The following SYT14 variants were observed in gnomAD, a reference collection of about 807,000 sequenced individuals.
The protein encoded by SYT14 is synaptotagmin 14, also known as synaptotagmin-14.
Under a neutral mutation model 74.2 loss-of-function variants are expected in SYT14, and 32 were observed. That is an observed-to-expected ratio of 0.43 (90% CI 0.33 to 0.58). SYT14 has a LOEUF of 0.58. Ranked by LOEUF, SYT14 falls within the 20% of genes least tolerant of loss-of-function variation. The pLI, the probability that SYT14 is intolerant of heterozygous loss-of-function variation, is 0.05. For missense variants in SYT14, 791 were observed against 981.8 expected, an observed-to-expected ratio of 0.81 and a Z score of 2.60; for synonymous variants, 298 against 337.7, an observed-to-expected ratio of 0.88 and a Z score of 1.29.
exon 7 of SYT14, chr1:210,100,184 A>G: frequency 6.2e-7 from 1 of 1,614,058 alleles, no homozygotes; most frequent in East Asian, 2.2e-5. Context: ...ACAGGTGGCA[A>G]CTCATGGCAA....
chr1:210,143,301 C>T (rs1400623631), intron 7 of SYT14, among the ~76,000 whole-genome samples: 2 of 152,046 alleles, frequency 1.3e-5, no homozygotes, highest in African/African-American at 4.8e-5. Flanking sequence ...GCTATTAATT[C>T]GGTGAAAGAA....
At chr1:210,015,839 G>A in exon 4 of SYT14, 1 of 1,143,168 alleles carries the variant, frequency 8.7e-7, no homozygotes, top group East Asian at 3.5e-5. Context: ...TTCTTTCAAT[G>A]CATAATGTAT....
At chr1:210,118,144 A>C (rs1033689374) in intron 7 of SYT14, among the ~76,000 whole-genome samples, 1 of 152,194 alleles carries the variant, frequency 6.6e-6, no homozygotes, top group African/African-American at 2.4e-5. Flanking sequence ...AGAGAATACT[A>C]CTTGACCATT....
chr1:210,149,895 G>T (rs546405956), intron 7 of SYT14, among the ~76,000 whole-genome samples: 10 of 152,328 alleles, frequency 6.6e-5, no homozygotes, highest in African/African-American at 2.2e-4. Flanking sequence ...TGAAGACCAA[G>T]GGGGAGAAAG....
At chr1:210,051,752 G>T (rs1273531033) in intron 5 of SYT14, among the ~76,000 whole-genome samples, 4 of 148,678 alleles carry the variant, frequency 2.7e-5, no homozygotes, top group Non-Finnish European at 6.0e-5. Flanking sequence ...ACATCTGCAG[G>T]TTATACTTCT....
chr1:210,037,055 C>G (rs187606331), intron 5 of SYT14, among the ~76,000 whole-genome samples: 8 of 151,990 alleles, frequency 5.3e-5, no homozygotes, highest in Admixed American at 4.6e-4. Flanking sequence ...TTATCTGGTC[C>G]TGGGCTTTTT....
chr1:209,946,888 T>C (rs1291838826), intron 1 of SYT14, among the ~76,000 whole-genome samples: 2 of 152,208 alleles, frequency 1.3e-5, no homozygotes, highest in Non-Finnish European at 2.9e-5. Flanking sequence ...CTGGTGACTT[T>C]AAGTGGAAGC....
intron 5 of SYT14, among the ~76,000 whole-genome samples, chr1:210,061,765 C>G (rs975110373): frequency 6.6e-6 from 1 of 151,822 alleles, no homozygotes; most frequent in African/African-American, 2.4e-5. Context: ...AAAGTATTCT[C>G]AATTCACAAT....
intron 2 of SYT14, among the ~76,000 whole-genome samples, chr1:209,953,743 G>C (rs1380153153): frequency 1.3e-5 from 2 of 152,172 alleles, no homozygotes; most frequent in South Asian, 2.1e-4. Context: ...TAGTTTATCT[G>C]TGAGTCATTG....
intron 7 of SYT14, among the ~76,000 whole-genome samples, chr1:210,146,810 C>CAT (rs1271844222): frequency 1.3e-5 from 2 of 150,832 alleles, no homozygotes; most frequent in African/African-American, 2.4e-5. Flanking sequence ...ATATATACTA[C>CAT]ATATATATAC....
At chr1:210,141,110 T>G (rs79101236) in intron 7 of SYT14, among the ~76,000 whole-genome samples, 2,119 of 152,020 alleles carry the variant, frequency 0.014, 61 homozygotes, top group African/African-American at 0.048. Context: ...ATCTGTTTGA[T>G]CCGTACTTTG....
chr1:210,128,895 G>A (rs2082622111), intron 7 of SYT14, among the ~76,000 whole-genome samples: 1 of 152,100 alleles, frequency 6.6e-6, no homozygotes, highest in Non-Finnish European at 1.5e-5. Flanking sequence ...TATATATTTT[G>A]GAATAAGTTC....
chr1:210,135,389 G>A (rs1041623299), intron 7 of SYT14, among the ~76,000 whole-genome samples: 1 of 152,142 alleles, frequency 6.6e-6, no homozygotes, highest in African/African-American at 2.4e-5. Flanking sequence ...ATCCAGTCCA[G>A]TGTATTTCTC....
At chr1:210,138,046 A>C (rs2082828504) in intron 7 of SYT14, among the ~76,000 whole-genome samples, 1 of 152,154 alleles carries the variant, frequency 6.6e-6, no homozygotes, top group Non-Finnish European at 1.5e-5. Flanking sequence ...CTGTGTACTA[A>C]ATTTTAATCT....
intron 2 of SYT14, among the ~76,000 whole-genome samples, chr1:209,992,578 G>C (rs2079711468): frequency 6.6e-6 from 1 of 152,060 alleles, no homozygotes; most frequent in Non-Finnish European, 1.5e-5. Flanking sequence ...TACTTAATGG[G>C]TACAGTGTAT....
intron 7 of SYT14, among the ~76,000 whole-genome samples, chr1:210,108,975 G>C (rs1216374292): frequency 6.6e-6 from 1 of 152,030 alleles, no homozygotes; most frequent in African/African-American, 2.4e-5. Flanking sequence ...TAGAGTAAAA[G>C]GTACAATTAC....
chr1:210,056,659 C>CAAAAAAAAAAAAAAAAAA (rs1196789715), intron 5 of SYT14, among the ~76,000 whole-genome samples: 4 of 79,378 alleles, frequency 5.0e-5, no homozygotes, highest in East Asian at 4.4e-4. Context: ...ACTAAAAATA[C>CAAAAAAAAAAAAAAAAAA]AAAAAAAAAA....
At chr1:209,991,093 C>G (rs2079676855) in intron 2 of SYT14, among the ~76,000 whole-genome samples, 4 of 152,212 alleles carry the variant, frequency 2.6e-5, no homozygotes, top group Admixed American at 1.3e-4. Flanking sequence ...CAGAATGAAA[C>G]TGGACTCCTA....
intron 5 of SYT14, among the ~76,000 whole-genome samples, chr1:210,075,760 G>A (rs2081488639): frequency 6.6e-6 from 1 of 152,070 alleles, no homozygotes; most frequent in African/African-American, 2.4e-5. Context: ...CAGGCCTGCG[G>A]GGGTAGAGCC....
Sources: allele counts gnomAD v4.1 joint callset (sites outside exome capture counted in the v4.1 genomes callset), GRCh38; gene constraint gnomAD v4.1.1; transcripts MANE v1.5; gene names NCBI Gene and HGNC (gene_info 2026-07-23, HGNC 2026-07-21).